Variants in RTN4 observed in about 807,000 individuals in gnomAD.
The protein encoded by RTN4 is reticulon-4.
A neutral mutation model predicts 90.4 loss-of-function variants in RTN4; 32 were observed. The observed-to-expected ratio is 0.35, with a 90% CI of 0.27 to 0.48. RTN4 has a LOEUF of 0.48. Ranked by LOEUF, RTN4 falls within the 20% of genes least tolerant of loss-of-function variation. RTN4 has a pLI of 0.99. For synonymous variants in RTN4, 629 were observed against 552.5 expected, an observed-to-expected ratio of 1.14 and a Z score of -1.94; for missense variants, 1,706 against 1,430.2, an observed-to-expected ratio of 1.19 and a Z score of -3.11.
At chr2:55,130,349 C>T in the RTN4 span, among the ~76,000 whole-genome samples, 3 of 152,128 alleles carry the variant, frequency 2.0e-5, no homozygotes, top group Non-Finnish European at 4.4e-5. Flanking sequence ...AATAGAAATA[C>T]ATCTGGAAAA....
At chr2:55,098,658 C>G (rs1237091143) in intron 1 of RTN4, among the ~76,000 whole-genome samples, 1 of 152,022 alleles carries the variant, frequency 6.6e-6, no homozygotes, top group Non-Finnish European at 1.5e-5. Context: ...CTCATAAATG[C>G]AATTTCTTTT....
chr2:55,067,788 G>A lies in RTN4; in HGVS notation c.-63+12701C>T, dbSNP rs114034903. ...TCTCAAGATCCCTTTACACTCTTCC[G>A]TGCTGTGGATTTTAGCTATTAATAT... On this transcript the variant is annotated intron_variant, in intron 2 of 3. Transcript: ENST00000427710. Among the ~76,000 whole-genome samples the A allele has an allele frequency of 7.9e-3, 1,204 of 152,088 alleles. 18 individuals carry two copies. The highest frequency in any genetic ancestry group is 0.027 in the African/African-American group (1,140 of 41,466).
chr2:55,037,890 C>G (rs1039860824), intron 1 of RTN4, among the ~76,000 whole-genome samples: 1 of 152,104 alleles, frequency 6.6e-6, no homozygotes, highest in Admixed American at 6.6e-5. Flanking sequence ...CTTAATTTTA[C>G]GACTTGCTAT....
At chr2:55,049,431 C>T in intron 1 of RTN4, 1 of 413,074 alleles carries the variant, frequency 2.4e-6, no homozygotes. Flanking sequence ...GGGTATATAC[C>T]CGGCTCCTAC....
At chr2:55,118,173 A>G in the RTN4 span, among the ~76,000 whole-genome samples, 13,747 of 152,180 alleles carry the variant, frequency 0.09, 671 homozygotes, top group East Asian at 0.19. Context: ...CATCTTTTAA[A>G]AGACACCCAG....
At chr2:55,016,015 T>C (rs1350152622) in intron 3 of RTN4, among the ~76,000 whole-genome samples, 2 of 152,066 alleles carry the variant, frequency 1.3e-5, no homozygotes, top group East Asian at 1.9e-4. Flanking sequence ...TTATGGAAAA[T>C]AATTCAGGGA....
At chr2:55,118,192 A>C in the RTN4 span, among the ~76,000 whole-genome samples, 1 of 152,046 alleles carries the variant, frequency 6.6e-6, no homozygotes. Flanking sequence ...AGGGCTGGGC[A>C]TGGTAGCTTA....
At chr2:55,022,896 A>AACAC (rs150779063) in intron 3 of RTN4, among the ~76,000 whole-genome samples, 7,462 of 137,428 alleles carry the variant, frequency 0.054, 307 homozygotes, top group African/African-American at 0.11. Flanking sequence ...TTCAACATCC[A>AACAC]ACACACACAC....
At chr2:55,014,274 C>G (rs1311655509) in intron 3 of RTN4, 1 of 151,910 alleles carries the variant, frequency 6.6e-6, no homozygotes, top group Non-Finnish European at 1.5e-5. Flanking sequence ...AAAAATTTAA[C>G]ATAAGGTACC....
chr2:54,996,510 C>G (rs2104722707), intron 3 of RTN4, among the ~76,000 whole-genome samples: 1 of 152,312 alleles, frequency 6.6e-6, no homozygotes, highest in Non-Finnish European at 1.5e-5. Flanking sequence ...TGGAATACAA[C>G]TGATAACCCA....
chr2:54,972,475 C>T lies in RTN4; in HGVS notation c.*681G>A, dbSNP rs201797502. ...ATGTTGAAAACAGATGGTAGTGCTC[C>T]TAGAAATATTTCTTCTTCTAGCTTA... On this transcript the variant is annotated 3_prime_UTR_variant, in exon 9 of 9. Transcript: ENST00000337526. 6.6e-6 allele frequency: 1 copy of T among 152,548 alleles called. No individual in the cohort carries two copies. Among genetic ancestry groups the T allele is most frequent in the Non-Finnish European group, 1.5e-5 (1 of 68,030 alleles). 9.4% of individuals were successfully genotyped at this position (152,548 alleles called of 1,614,324 possible).
chr2:55,124,393 G>T, the RTN4 span, among the ~76,000 whole-genome samples: 1 of 152,214 alleles, frequency 6.6e-6, no homozygotes, highest in South Asian at 2.1e-4. Context: ...GGCATGTAAG[G>T]CTAAATCAAA....
intron 1 of RTN4, among the ~76,000 whole-genome samples, chr2:55,030,755 G>A (rs1398322245): frequency 1.3e-5 from 2 of 152,116 alleles, no homozygotes; most frequent in South Asian, 2.1e-4. Flanking sequence ...CTCAAAGCAC[G>A]AGATGTGCTT....
chr2:55,096,848 C>T (rs1045884497), intron 1 of RTN4, among the ~76,000 whole-genome samples: 1 of 150,200 alleles, frequency 6.7e-6, no homozygotes. Context: ...CCCAGGAATA[C>T]AAAAAATACG....
chr2:54,998,946 A>T (rs1159809468), intron 3 of RTN4, among the ~76,000 whole-genome samples: 1 of 152,196 alleles, frequency 6.6e-6, no homozygotes. Context: ...CATACAAGGT[A>T]ACCCTATTCT....
At chr2:55,098,341 C>T (rs1359794801) in intron 1 of RTN4, among the ~76,000 whole-genome samples, 2 of 151,964 alleles carry the variant, frequency 1.3e-5, no homozygotes, top group African/African-American at 2.4e-5. Flanking sequence ...CTTTATGCAA[C>T]CTAAAACTTA....
intron 3 of RTN4, among the ~76,000 whole-genome samples, chr2:55,023,270 G>A (rs930587160): frequency 3.9e-5 from 6 of 152,184 alleles, no homozygotes; most frequent in African/African-American, 1.4e-4. Flanking sequence ...CACAATCAAA[G>A]AAAAGTCACC....
upstream of RTN4, among the ~76,000 whole-genome samples, chr2:55,051,459 C>G (rs918406664): frequency 6.6e-6 from 1 of 152,116 alleles, no homozygotes; most frequent in Non-Finnish European, 1.5e-5. Context: ...AAGCATGATC[C>G]CCATTCCACT....
intron 1 of RTN4, 62 bp downstream of exon 1, chr2:55,049,683 G>T (rs1273505253): frequency 1.4e-6 from 2 of 1,479,198 alleles, no homozygotes; most frequent in Non-Finnish European, 1.8e-6. Context: ...AGCATCTGGG[G>T]CTGCACACAA....
Sources: allele counts gnomAD v4.1 joint callset (sites outside exome capture counted in the v4.1 genomes callset), GRCh38; gene constraint gnomAD v4.1.1; transcripts MANE v1.5; gene names NCBI Gene and HGNC (gene_info 2026-07-23, HGNC 2026-07-21).